PTPRF: variants seen among roughly 807,000 people sequenced by gnomAD.
PTPRF encodes the protein protein tyrosine phosphatase receptor type F, also known as receptor-type tyrosine-protein phosphatase F.
Under a neutral mutation model 201.8 loss-of-function variants are expected in PTPRF, and 59 were observed. The observed-to-expected ratio is 0.29, with a 90% CI of 0.24 to 0.36. The LOEUF (loss-of-function observed/expected upper bound fraction) is 0.36, where lower values mean the gene tolerates loss of function less well. Ranked by LOEUF, PTPRF falls within the 10% of genes least tolerant of loss-of-function variation. The pLI is 1.00. For missense variants in PTPRF, 2,132 were observed against 2,690.5 expected, an observed-to-expected ratio of 0.79 and a Z score of 4.59; for synonymous variants, 1,088 against 1,089.7, an observed-to-expected ratio of 1.00 and a Z score of 0.03.
chr1:43,551,828 T>C (rs1399302994), intron 3 of PTPRF, among the ~76,000 whole-genome samples: 1 of 152,204 alleles, frequency 6.6e-6, no homozygotes, highest in Non-Finnish European at 1.5e-5. Context: ...GACAGAATCC[T>C]GTGTCACTGT....
chr1:43,523,678 T>C (rs1247241271), upstream of PTPRF, among the ~76,000 whole-genome samples: 1 of 151,988 alleles, frequency 6.6e-6, no homozygotes, highest in Non-Finnish European at 1.5e-5. Flanking sequence ...GCAGAGATAG[T>C]AAAAGCCAGA....
chr1:43,613,540 T>C lies in PTPRF; in HGVS notation c.3974-78T>C, dbSNP rs1657000288. 14 of 1,178,294 alleles carry C rather than the reference T, an allele frequency of 1.2e-5. No homozygotes were observed. In the South Asian group the frequency reaches 1.6e-4, roughly 14 times the overall value. The allele number at this position is 1,178,294 out of a possible 1,614,324, so 73.0% of individuals were successfully genotyped here. A position where few individuals can be genotyped will look rare whatever the true frequency, so the allele number is the denominator to read the frequency against. On this transcript the variant is annotated intron_variant, in intron 22 of 33. Transcript: ENST00000359947. ...GGTCACACATGTTCACATGTGCACA[T>C]ACATGCGTTGGGGCTTTCTCTGCCA...
chr1:43,572,421 G>C (rs571505075), intron 6 of PTPRF, among the ~76,000 whole-genome samples: 1 of 152,228 alleles, frequency 6.6e-6, no homozygotes, highest in African/African-American at 2.4e-5. Context: ...CCTCAGGGTC[G>C]TGGGCCCAGG....
chr1:43,554,503 G>A lies in PTPRF; in HGVS notation c.379+562G>A, dbSNP rs936608767. Among the ~76,000 whole-genome samples the A allele has an allele frequency of 1.3e-5, 2 of 152,218 alleles. No individual in the cohort carries two copies. The highest frequency in any genetic ancestry group is 6.5e-5 in the Admixed American group (1 of 15,276). On this transcript the variant is annotated intron_variant, in intron 5 of 33. Transcript: ENST00000359947. The surrounding 1 kb of genome is among the most constrained non-coding windows in gnomAD (Gnocchi z 4.1). ...CAAGTCTTGAGGACAGGTGGGAGTT[G>A]GGGGTGGCAGTTGGCAGCTAGGCAG...
upstream of PTPRF, among the ~76,000 whole-genome samples, chr1:43,523,953 C>T (rs1643021444): frequency 1.3e-5 from 2 of 148,726 alleles, no homozygotes; most frequent in Admixed American, 6.8e-5. Context: ...GTCCCAGCTA[C>T]TCGGGAGGCT....
intron 22 of PTPRF, among the ~76,000 whole-genome samples, 169 bp downstream of exon 22, chr1:43,609,667 T>A (rs1341029386): frequency 6.6e-6 from 1 of 152,232 alleles, no homozygotes; most frequent in African/African-American, 2.4e-5. Flanking sequence ...TTGGTTGGAA[T>A]GACTGGGGAG....
At chr1:43,612,900 ATTC>A (rs1490284502) in intron 22 of PTPRF, 1 of 1,030,106 alleles carries the variant, frequency 9.7e-7, no homozygotes. Flanking sequence ...CCTTCCTTGA[ATTC>A]TTCTCTCCCC....
In PTPRF at chr1:43,553,985, G is replaced by A. The variant is rs779889086; in HGVS notation, c.379+44G>A. Reference sequence around the variant, plus strand: ...TGGCACGGTGGGCTGCCGGGCTGAGGCGTGGGAAGAGCCAGCCAGCCCTGA... The same window carrying A: ...TGGCACGGTGGGCTGCCGGGCTGAGACGTGGGAAGAGCCAGCCAGCCCTGA... On this transcript the variant is annotated intron_variant, in intron 5 of 33. Coordinates refer to ENST00000359947, the MANE Select transcript of PTPRF (RefSeq NM_002840.5). This position sits in a 1 kb window ranked among gnomAD's most constrained non-coding sequence, Gnocchi z 4.1. The A allele has an allele frequency of 6.2e-7, 1 of 1,606,928 alleles. No homozygotes were observed. The highest frequency in any genetic ancestry group is 8.5e-7 in the Non-Finnish European group (1 of 1,175,288).
rs1391842768 is a variant in PTPRF, at chr1:43,542,566, A to G, written c.-45-2465A>G. ...AGACTCTCATCCAGGCTTGTACCAC[A>G]TGGGTGTCTATTCTGGGAGTTTTAC... On this transcript the variant is annotated intron_variant, in intron 2 of 33. Transcript: ENST00000359947. The surrounding 1 kb of genome is among the most constrained non-coding windows in gnomAD (Gnocchi z 5.2). 6.6e-6 allele frequency among the ~76,000 whole-genome samples: 1 copy of G among 152,094 alleles called. No individual in the cohort carries two copies. The highest frequency in any genetic ancestry group is 1.9e-4 in the East Asian group (1 of 5,192).
intron 25 of PTPRF, among the ~76,000 whole-genome samples, 174 bp downstream of exon 25, chr1:43,618,085 C>T (rs1402434482): frequency 6.6e-6 from 1 of 152,204 alleles, no homozygotes; most frequent in African/African-American, 2.4e-5. Context: ...TTCTGGGATA[C>T]AGCATGTTCC....
chr1:43,565,849 C>A (rs1646132924), intron 5 of PTPRF, among the ~76,000 whole-genome samples: 1 of 152,050 alleles, frequency 6.6e-6, no homozygotes, highest in South Asian at 2.1e-4. Context: ...CGCGCGCCTG[C>A]ACGGACTCGG....
intron 8 of PTPRF, 137 bp from the exon 9 acceptor site, chr1:43,590,835 C>G (rs1449806991): frequency 1.2e-6 from 1 of 856,436 alleles, no homozygotes; most frequent in African/African-American, 1.7e-5. Context: ...GCTTTTCCAG[C>G]CATTTTTCAA....
Position 43,603,923 on chromosome 1 carries a change from T to G in PTPRF, c.2771T>G (p.Val924Gly). 6.2e-7 allele frequency: 1 copy of G among 1,613,976 alleles called. No individual in the cohort carries two copies. Among genetic ancestry groups the G allele is most frequent in the Non-Finnish European group, 8.5e-7 (1 of 1,180,014 alleles). The change falls in exon 16 of 34, where the codon GTG becomes GGG. Residue 924 changes from valine (V) to glycine (G), a missense_variant. Transcript: ENST00000359947. The surrounding 1 kb of genome is among the most constrained non-coding windows in gnomAD (Gnocchi z 5.8). ...AGCGGCTTCCCCCAAAACCTGCATG[T>G]GACAGGACTGACCACGTCTACCACA... ...LPSGFPQNLH[V>G]TGLTTSTTEL...
At chr1:43,564,929 A>T (rs1646056793) in intron 5 of PTPRF, among the ~76,000 whole-genome samples, 1 of 152,062 alleles carries the variant, frequency 6.6e-6, no homozygotes, top group Non-Finnish European at 1.5e-5. Context: ...TGAGCTGGAC[A>T]AAGAGACCTG....
chr1:43,621,801 T>C, intron 33 of PTPRF, 134 bp from the exon 34 acceptor site: 1 of 810,094 alleles, frequency 1.2e-6, no homozygotes, highest in African/African-American at 1.7e-5. Flanking sequence ...GCACACTGCC[T>C]GATGTAGCTG....
chr1:43,565,733 C>A (rs1214865489), intron 5 of PTPRF, among the ~76,000 whole-genome samples: 1 of 152,074 alleles, frequency 6.6e-6, no homozygotes, highest in Non-Finnish European at 1.5e-5. Flanking sequence ...GCGGGAAAGC[C>A]TAGTGGGAGG....
intron 3 of PTPRF, among the ~76,000 whole-genome samples, chr1:43,552,258 C>G (rs1307697284): frequency 6.6e-6 from 1 of 152,176 alleles, no homozygotes; most frequent in Non-Finnish European, 1.5e-5. Flanking sequence ...CCACCCACCA[C>G]TCCACTGACT....
chr1:43,601,949 A>T, intron 13 of PTPRF, 122 bp from the exon 14 acceptor site: 1 of 1,118,986 alleles, frequency 8.9e-7, no homozygotes, highest in Non-Finnish European at 1.3e-6. Context: ...CCCCATGGGT[A>T]CTTTGAGGCC....
rs200607642 is a variant in PTPRF at position 43,604,119 on chromosome 1, C to T, written c.2967C>T (p.Arg989=). ...ACACCACTTACGACATCAAGGTCCG[C>T]GCATGGACCAGCAAAGGCTCTGGCC... ...KPDTTYDIKV[R]AWTSKGSGPL... Residue 989 remains arginine (R), a synonymous_variant, in exon 16 of 34, where the codon CGC becomes CGT. Transcript: ENST00000359947. 20 of 1,614,206 alleles carry T rather than the reference C, an allele frequency of 1.2e-5. No homozygotes were observed. The highest frequency in any genetic ancestry group is 1.6e-4 in the Middle Eastern group (1 of 6,062).
Sources: allele counts gnomAD v4.1 joint callset (sites outside exome capture counted in the v4.1 genomes callset), GRCh38; gene constraint gnomAD v4.1.1; non-coding constraint Gnocchi (gnomAD v3.1); transcripts MANE v1.5; gene names NCBI Gene and HGNC (gene_info 2026-07-23, HGNC 2026-07-21).